Variants in INCENP observed in about 807,000 individuals in gnomAD.
INCENP encodes the protein binds and activates aurora-B and -C in vivo and in vitro.
A neutral mutation model predicts 107.3 loss-of-function variants in INCENP; 43 were observed. The ratio of observed to expected loss-of-function variants is 0.40; its 90% CI spans 0.31 to 0.52. INCENP has a LOEUF of 0.52. Ranked by LOEUF, INCENP falls within the 20% of genes least tolerant of loss-of-function variation. The probability of loss-of-function intolerance (pLI) is 0.53; values close to 1 mark genes in which losing one functional copy is unlikely to be tolerated. For synonymous variants in INCENP, 488 were observed against 494.4 expected (o/e 0.99, Z 0.17); for missense variants, 1,089 against 1,250.9 (o/e 0.87, Z 1.95).
intron 8 of INCENP, 124 bp from the exon 9 acceptor site, chr11:62,140,580 G>T (rs1351635860): frequency 3.6e-6 from 3 of 824,164 alleles, no homozygotes; most frequent in Non-Finnish European, 5.8e-6. Context: ...CTTAGGCTCT[G>T]CAGCCTCTTT....
At position 62,151,830 on chromosome 11, in the gene INCENP, AC is replaced by A; in HGVS notation, c.2613del (p.Ile872PhefsTer44). 1 of 1,614,062 alleles carries A rather than the reference AC, an allele frequency of 6.2e-7. No individual in the cohort carries two copies. Among genetic ancestry groups the A allele is most frequent in the Non-Finnish European group, 8.5e-7 (1 of 1,180,010 alleles). The stretch of plus-strand genomic sequence containing the variant: ...ACCGAACCTTCTGGAGCTCTTTGGA[AC>A]CATTCTCCCACTGGACTTGGAGGAT... ...HPPNLLELFG[T>X]ILPLDLEDIF... On this transcript the variant is annotated frameshift_variant, in exon 19 of 19. Coordinates refer to ENST00000394818, the MANE Select transcript of INCENP (RefSeq NM_001040694.2). LOFTEE classifies it high-confidence loss of function.
rs140463949 is a variant in INCENP at position 62,129,923 on chromosome 11, C to T, written c.396C>T (p.Ala132=). 7.1e-5 allele frequency: 115 copies of T among 1,613,898 alleles called. 1 individual carries two copies. In the South Asian group the frequency reaches 7.1e-4, roughly 10 times the overall value. Residue 132 remains alanine (A), a synonymous_variant, in exon 4 of 19, where the codon GCC becomes GCT. Transcript: ENST00000394818. The part of the protein sequence containing the change: ...RRVTRAAAAA[A]AATMALAAPS... ...TGACCCGTGCTGCGGCTGCAGCTGC[C>T]GCGGCTACCATGGCATTGGCTGCAC...
Position 62,130,272 on chromosome 11 carries a change from G to C in INCENP, c.745G>C (p.Gly249Arg). ...CCAGGACCCCAAGGGTCAAGGGGTC[G>C]GGACGGGGCGGTCTGCGTCTAAGCT... ...TPQDPKGQGV[G>R]TGRSASKLRI... is the part of the protein sequence containing the mutation. The change falls in exon 4 of 19, where the codon GGG becomes CGG. Residue 249 changes from glycine to arginine, a missense_variant. Physicochemically the swap from Gly to Arg is moderately radical, Grantham distance 125. Transcript: ENST00000394818. 1 of 1,612,774 alleles carries C rather than the reference G, an allele frequency of 6.2e-7. No individual in the cohort carries two copies. Among genetic ancestry groups the C allele is most frequent in the East Asian group, 2.2e-5 (1 of 44,868 alleles).
At chr11:62,128,336 A>G in intron 2 of INCENP, 35 bp downstream of exon 2, 1 of 1,613,046 alleles carries the variant, frequency 6.2e-7, no homozygotes, top group Non-Finnish European at 8.5e-7. Flanking sequence ...TGGGAACACC[A>G]GGGCCTGTCT....
At chr11:62,129,328 G>A (rs1267330074) in intron 3 of INCENP, among the ~76,000 whole-genome samples, 2 of 152,138 alleles carry the variant, frequency 1.3e-5, no homozygotes, top group Admixed American at 6.5e-5. Context: ...GTTAGGCTTG[G>A]GTGTGAACCC....
rs1005951117 is a variant in INCENP at position 62,150,869 on chromosome 11, G to A, written c.2542+662G>A. 1.1e-4 allele frequency among the ~76,000 whole-genome samples: 16 copies of A among 152,186 alleles called. No individual in the cohort carries two copies. The East Asian group carries it at 1.7e-3, about 17-fold the overall frequency. On this transcript the variant is annotated intron_variant, in intron 18 of 18. Transcript: ENST00000394818. ...GGTGCCTTGCAGTGGTTGCTGAGCC[G>A]GAAGTCAGGGAGGGGTGCAGACGCC...
chr11:62,141,659 G>A (rs936114223), intron 11 of INCENP, 148 bp downstream of exon 11: 4 of 1,107,880 alleles, frequency 3.6e-6, no homozygotes, highest in Non-Finnish European at 5.5e-6. Context: ...ACGGTGAGGG[G>A]TGCACTGGCT....
At position 62,140,795 on chromosome 11, in the gene INCENP, C is replaced by G. The variant is rs137984629; in HGVS notation, c.1435C>G (p.Pro479Ala). 205 of 1,612,880 alleles carry G rather than the reference C, an allele frequency of 1.3e-4. No homozygotes were observed. Among genetic ancestry groups the G allele is most frequent in the South Asian group, 2.2e-4 (20 of 91,010 alleles). The change falls in exon 9 of 19, where the codon CCT (proline) becomes GCT (alanine). Residue 479 changes from proline to alanine, a missense_variant. Transcript: ENST00000394818. ...GCTGCAGCCCCCCAGGAGCAAGACC[C>G]CTTCCTCACCCTGCCCAGCCAGCAA... is the stretch of plus-strand genomic sequence containing the variant. ...EELQPPRSKT[P>A]SSPCPASKVV...
At chr11:62,141,975 G>A (rs1421093814) in intron 11 of INCENP, among the ~76,000 whole-genome samples, 2 of 152,206 alleles carry the variant, frequency 1.3e-5, no homozygotes, top group Non-Finnish European at 2.9e-5. Flanking sequence ...GAACTGAGGT[G>A]GAAGTGCTGG....
At chr11:62,144,898 G>C (rs1169007126) in intron 11 of INCENP, 84 bp from the exon 12 acceptor site, 6 of 1,242,584 alleles carry the variant, frequency 4.8e-6, no homozygotes, top group Non-Finnish European at 5.9e-6. Flanking sequence ...GCTGCAGGCT[G>C]CTGGGGACTG....
chr11:62,144,374 C>T (rs2134665159), intron 11 of INCENP, among the ~76,000 whole-genome samples: 1 of 151,492 alleles, frequency 6.6e-6, no homozygotes, highest in East Asian at 1.9e-4. Flanking sequence ...AGCCATGTCA[C>T]AGGAAGTTTG....
intron 3 of INCENP, 120 bp downstream of exon 3, chr11:62,129,003 G>C (rs1943819256): frequency 1.4e-6 from 1 of 700,020 alleles, no homozygotes; most frequent in Admixed American, 2.1e-5. Context: ...GGGGTGGTGG[G>C]TACCACCGCG....
In INCENP at chr11:62,151,942, C is replaced by G. The variant is rs1565105456; in HGVS notation, c.2723C>G (p.Pro908Arg). Residue 908 changes from proline (P) to arginine (R), a missense_variant, in exon 19 of 19, where the codon CCC (proline) becomes CGC (arginine). Physicochemically the swap from Pro to Arg is moderately radical, Grantham distance 103. Transcript: ENST00000394818. ...CCGCCCCTGCAGGGCGCCAGGGTCC[C>G]CAGCAGCCTGGCCTACAGCCTGAAG... ...NSPPLQGARV[P>R]SSLAYSLKKH 3 of 1,612,490 alleles carry G rather than the reference C, an allele frequency of 1.9e-6. No homozygotes were observed. Among genetic ancestry groups the G allele is most frequent in the Non-Finnish European group, 2.5e-6 (3 of 1,180,008 alleles).
intron 11 of INCENP, among the ~76,000 whole-genome samples, chr11:62,142,369 A>G (rs1944143339): frequency 6.6e-6 from 1 of 152,228 alleles, no homozygotes; most frequent in African/African-American, 2.4e-5. Context: ...GGAGAGGGTG[A>G]CTGACAGTAT....
At chr11:62,128,110 C>G in intron 1 of INCENP, 41 bp from the exon 2 acceptor site, 3 of 1,610,282 alleles carry the variant, frequency 1.9e-6, no homozygotes, top group Non-Finnish European at 2.5e-6. Context: ...GACCCCTACC[C>G]TGGGCCCCTA....
chr11:62,136,712 C>T (rs1565095334), intron 4 of INCENP, among the ~76,000 whole-genome samples: 2 of 152,020 alleles, frequency 1.3e-5, no homozygotes, highest in African/African-American at 4.8e-5. Context: ...CTTTTTACAC[C>T]TTCATCAAGG....
chr11:62,148,455 A>G (rs1944302849), intron 15 of INCENP, 21 bp from the exon 16 acceptor site: 1 of 1,590,632 alleles, frequency 6.3e-7, no homozygotes. Context: ...CTGTCCTAAC[A>G]GGCTCTTGCT....
chr11:62,146,526 A>G, intron 14 of INCENP, 132 bp from the exon 15 acceptor site: 1 of 1,361,760 alleles, frequency 7.3e-7, no homozygotes, highest in South Asian at 1.5e-5. Context: ...GGGATGTCCC[A>G]CGGCGCCATT....
At position 62,145,199 on chromosome 11, in the gene INCENP, G is replaced by A. The variant is rs1330913526; in HGVS notation, c.1746G>A (p.Leu582=). ...LKREERLRKV[L]QARERVEQMK... is the part of the protein sequence containing the mutation. Reference sequence around the variant, plus strand: ...GTGAGGAACGCCTCCGCAAGGTGCTGCAGGCCCGCGAGCGGGTGGAGCAGA... The same window carrying A: ...GTGAGGAACGCCTCCGCAAGGTGCTACAGGCCCGCGAGCGGGTGGAGCAGA... The change falls in exon 13 of 19, where the codon CTG becomes CTA. Residue 582 remains leucine, a synonymous_variant. Coordinates refer to ENST00000394818, the MANE Select transcript of INCENP (RefSeq NM_001040694.2). 3 of 1,614,150 alleles carry A rather than the reference G, an allele frequency of 1.9e-6. No individual in the cohort carries two copies. The highest frequency in any genetic ancestry group is 1.7e-5 in the Admixed American group (1 of 60,034).
Sources: gnomAD v4.1 joint callset for allele counts (sites outside exome capture counted in the v4.1 genomes callset) on GRCh38, gnomAD v4.1.1 for gene constraint, MANE v1.5 for transcripts, NCBI Gene and HGNC (gene_info 2026-07-23, HGNC 2026-07-21) for gene names.